Variants in AKAP7 observed in about 807,000 individuals in gnomAD.
AKAP7 encodes A-kinase anchoring protein 7.
In AKAP7, 39 loss-of-function variants were observed where a neutral mutation model predicts 39.5. The ratio of observed to expected loss-of-function variants is 0.99; its 90% CI spans 0.76 to 1.29. The LOEUF (loss-of-function observed/expected upper bound fraction) is 1.29, where lower values mean the gene tolerates loss of function less well. AKAP7 is among the 50% of genes most tolerant of loss of function. The pLI, the probability that AKAP7 is intolerant of heterozygous loss-of-function variation, is 0.00. For missense variants in AKAP7, 414 were observed against 407.7 expected (o/e 1.02, Z -0.13); for synonymous variants, 140 against 139.1 (o/e 1.01, Z -0.05).
At chr6:131,267,039 G>A (rs923070977) in intron 7 of AKAP7, among the ~76,000 whole-genome samples, 3 of 149,340 alleles carry the variant, frequency 2.0e-5, no homozygotes, top group Non-Finnish European at 4.5e-5. Context: ...AATTCACAGG[G>A]TAAACCATAT....
At chr6:131,252,707 G>C (rs1812536152) in intron 7 of AKAP7, among the ~76,000 whole-genome samples, 1 of 152,198 alleles carries the variant, frequency 6.6e-6, no homozygotes, top group East Asian at 1.9e-4. Flanking sequence ...TATCTAGTCT[G>C]TAAGTTGTGC....
At chr6:131,230,527 C>A (rs1810542305) in intron 7 of AKAP7, among the ~76,000 whole-genome samples, 1 of 151,988 alleles carries the variant, frequency 6.6e-6, no homozygotes, top group Non-Finnish European at 1.5e-5. Context: ...AATATTTTCT[C>A]CTGTTCTGTA....
chr6:131,185,322 A>C (rs892279441), intron 5 of AKAP7: 3 of 501,394 alleles, frequency 6.0e-6, no homozygotes, highest in Non-Finnish European at 7.5e-6. Context: ...TTCTTCATCC[A>C]GCTGTAATAA....
At chr6:131,250,560 C>T in intron 7 of AKAP7, 1 of 1,613,936 alleles carries the variant, frequency 6.2e-7, no homozygotes, top group South Asian at 1.1e-5. Context: ...ACAGACAGGA[C>T]CAGTGCCATG....
chr6:131,148,471 TC>T (rs5880050), intron 2 of AKAP7, among the ~76,000 whole-genome samples: 82,887 of 151,036 alleles, frequency 0.55, 23,427 homozygotes, highest in African/African-American at 0.67. Flanking sequence ...GGATAAAAAT[TC>T]CCCCCCCCGT....
At chr6:131,145,458 G>A (rs761898217) in intron 2 of AKAP7, 42 bp downstream of exon 2, 3 of 1,292,764 alleles carry the variant, frequency 2.3e-6, no homozygotes, top group African/African-American at 3.1e-5. Context: ...GAAGCAATGA[G>A]TAGTAAATTT....
intron 2 of AKAP7, among the ~76,000 whole-genome samples, chr6:131,146,793 G>A (rs1801522445): frequency 6.6e-6 from 1 of 152,136 alleles, no homozygotes. Flanking sequence ...TTCACACGGT[G>A]GGAAAGAACT....
At chr6:131,182,876 G>A (rs1805407768) in intron 5 of AKAP7, among the ~76,000 whole-genome samples, 1 of 151,460 alleles carries the variant, frequency 6.6e-6, no homozygotes, top group Non-Finnish European at 1.5e-5. Context: ...TTATAACAAA[G>A]AATTGTTGTA....
chr6:131,202,306 C>T (rs1807649094), intron 6 of AKAP7, among the ~76,000 whole-genome samples: 2 of 143,296 alleles, frequency 1.4e-5, no homozygotes, highest in Non-Finnish European at 3.0e-5. Context: ...AAGACACGTG[C>T]ACACATATGT....
At chr6:131,184,816 T>C (rs1805658263) in intron 5 of AKAP7, 1 of 1,464,244 alleles carries the variant, frequency 6.8e-7, no homozygotes, top group Non-Finnish European at 9.6e-7. Context: ...GTGGGCATAG[T>C]GGTAACTGAG....
At chr6:131,255,802 AAG>A (rs1812795331) in intron 7 of AKAP7, among the ~76,000 whole-genome samples, 1 of 152,170 alleles carries the variant, frequency 6.6e-6, no homozygotes, top group African/African-American at 2.4e-5. Flanking sequence ...CCTTAGAGCT[AAG>A]AGTCTAGGGA....
intron 5 of AKAP7, among the ~76,000 whole-genome samples, chr6:131,170,180 G>A (rs1343961575): frequency 1.3e-5 from 2 of 149,590 alleles, no homozygotes; most frequent in Non-Finnish European, 3.0e-5. Flanking sequence ...ATAGCATTGG[G>A]AGATATACCT....
At chr6:131,176,123 A>G (rs1461731678) in intron 5 of AKAP7, among the ~76,000 whole-genome samples, 1 of 152,140 alleles carries the variant, frequency 6.6e-6, no homozygotes, top group African/African-American at 2.4e-5. Context: ...TGTTACTAAC[A>G]GTTATTTTTG....
chr6:131,187,372 A>C, intron 5 of AKAP7, among the ~76,000 whole-genome samples: 1 of 151,996 alleles, frequency 6.6e-6, no homozygotes, highest in Non-Finnish European at 1.5e-5. Context: ...AGTATTTTAA[A>C]ATTTTTGTAT....
intron 2 of AKAP7, among the ~76,000 whole-genome samples, chr6:131,157,925 G>A (rs946740655): frequency 6.6e-6 from 1 of 152,082 alleles, no homozygotes; most frequent in Admixed American, 6.6e-5. Context: ...ATATATTGCC[G>A]AGGCCACCTT....
chr6:131,244,357 A>C (rs1474384720), intron 7 of AKAP7, among the ~76,000 whole-genome samples: 2 of 152,170 alleles, frequency 1.3e-5, no homozygotes, highest in South Asian at 4.1e-4. Context: ...GCAAGAGCTT[A>C]TGTGATGATC....
At chr6:131,259,283 T>TTCTA (rs1215629758) in intron 7 of AKAP7, among the ~76,000 whole-genome samples, 3 of 152,202 alleles carry the variant, frequency 2.0e-5, no homozygotes. Context: ...ATCTCAGACT[T>TTCTA]TCTATCTAGG....
chr6:131,281,643 A>G lies in AKAP7; in HGVS notation c.964A>G (p.Lys322Glu). The G allele has an allele frequency of 6.2e-7, 1 of 1,613,836 alleles. No homozygotes were observed. The highest frequency in any genetic ancestry group is 8.5e-7 in the Non-Finnish European group (1 of 1,179,912). ...GCAGTATCTGGAGGAAACACAGAAT[A>G]AAAACAAGCCGGGGGAGGGGAGCTC... ...VQQYLEETQN[K>E]NKPGEGSSVK... is the part of the protein sequence containing the mutation. The change falls in exon 8 of 8, where the codon AAA becomes GAA. Residue 322 changes from lysine (K) to glutamate (E), a missense_variant. Physicochemically the swap from Lys to Glu is moderately conservative, Grantham distance 56. Coordinates refer to ENST00000431975, the MANE Select transcript of AKAP7 (RefSeq NM_016377.4). This position sits in a 1 kb window ranked among gnomAD's most constrained non-coding sequence, Gnocchi z 4.0.
intron 5 of AKAP7, among the ~76,000 whole-genome samples, chr6:131,192,662 A>C (rs1221947013): frequency 6.6e-6 from 1 of 152,142 alleles, no homozygotes; most frequent in Admixed American, 6.5e-5. Flanking sequence ...GAATCTGTAG[A>C]TTGCTTTGGG....
Sources: allele counts gnomAD v4.1 joint callset (sites outside exome capture counted in the v4.1 genomes callset), GRCh38; gene constraint gnomAD v4.1.1; non-coding constraint Gnocchi (gnomAD v3.1); transcripts MANE v1.5; gene names NCBI Gene and HGNC (gene_info 2026-07-23, HGNC 2026-07-21).